Variants in HS6ST3 observed in about 807,000 individuals in gnomAD.
The protein encoded by HS6ST3 is heparan sulfate 6-O-sulfotransferase 3, also known as heparan-sulfate 6-O-sulfotransferase 3.
Under a neutral mutation model 36.7 loss-of-function variants are expected in HS6ST3, and 12 were observed. The ratio of observed to expected loss-of-function variants is 0.33; its 90% CI spans 0.21 to 0.53. HS6ST3 has a LOEUF of 0.53. HS6ST3 is among the 20% of genes least tolerant of loss of function. HS6ST3 has a pLI of 0.95. For synonymous variants in HS6ST3, 240 were observed against 257.5 expected, an observed-to-expected ratio of 0.93 and a Z score of 0.65; for missense variants, 584 against 640.9, an observed-to-expected ratio of 0.91 and a Z score of 0.96.
chr13:96,484,210 T>A (rs930428029), intron 1 of HS6ST3, among the ~76,000 whole-genome samples: 3 of 152,134 alleles, frequency 2.0e-5, no homozygotes, highest in Admixed American at 1.3e-4. Flanking sequence ...AACTTAATGT[T>A]TTGATATATG....
rs35530266 is a variant in HS6ST3, at chr13:96,363,290, AT to A, written c.707+271734del. 3.9e-3 allele frequency among the ~76,000 whole-genome samples: 566 copies of A among 145,548 alleles called. 2 individuals are homozygous for A. The highest frequency in any genetic ancestry group is 7.0e-3 in the African/African-American group (281 of 39,898). ...AAGGGTTTATGGGGTCTTCCTGTAC[AT>A]TTTTTTTTTTTTGCAACATTCTGTG... On this transcript the variant is annotated intron_variant, in intron 1 of 1. Coordinates refer to ENST00000376705, the MANE Select transcript of HS6ST3 (RefSeq NM_153456.4).
chr13:96,824,771 A>G (rs540954281), intron 1 of HS6ST3, among the ~76,000 whole-genome samples: 12 of 152,216 alleles, frequency 7.9e-5, no homozygotes, highest in Non-Finnish European at 1.3e-4. Flanking sequence ...TCCATGCTCC[A>G]TGGAGAGGAT....
At chr13:96,252,698 C>A (rs1347779588) in intron 1 of HS6ST3, among the ~76,000 whole-genome samples, 1 of 152,132 alleles carries the variant, frequency 6.6e-6, no homozygotes, top group African/African-American at 2.4e-5. Flanking sequence ...TAATCCCCAG[C>A]ATTGGAGGTG....
intron 1 of HS6ST3, among the ~76,000 whole-genome samples, chr13:96,620,775 A>G (rs1020705180): frequency 4.7e-5 from 7 of 150,422 alleles, no homozygotes; most frequent in Non-Finnish European, 9.0e-5. Context: ...TGCTTCAGTG[A>G]TCTTTAACCT....
chr13:96,551,033 A>G (rs991341286), intron 1 of HS6ST3, among the ~76,000 whole-genome samples: 2 of 152,194 alleles, frequency 1.3e-5, no homozygotes, highest in East Asian at 1.9e-4. Flanking sequence ...CTCTGTCCCA[A>G]TCTGTCATGT....
At chr13:96,596,090 T>C (rs2056400437) in intron 1 of HS6ST3, among the ~76,000 whole-genome samples, 3 of 152,142 alleles carry the variant, frequency 2.0e-5, no homozygotes, top group African/African-American at 4.8e-5. Context: ...CATCCTTCAC[T>C]CACCTTCCAC....
chr13:96,140,962 G>A (rs149887180), intron 1 of HS6ST3, among the ~76,000 whole-genome samples: 18 of 152,270 alleles, frequency 1.2e-4, no homozygotes, highest in Non-Finnish European at 1.6e-4. Flanking sequence ...AACAGGAGAA[G>A]CAGCTTTTCC....
At chr13:96,208,767 C>T (rs1333133581) in intron 1 of HS6ST3, among the ~76,000 whole-genome samples, 1 of 152,162 alleles carries the variant, frequency 6.6e-6, no homozygotes, top group African/African-American at 2.4e-5. Context: ...ACATAACACA[C>T]TTTGATATCC....
chr13:96,739,636 C>T (rs903486869), intron 1 of HS6ST3, among the ~76,000 whole-genome samples: 6 of 152,042 alleles, frequency 3.9e-5, no homozygotes, highest in African/African-American at 1.4e-4. Flanking sequence ...CATCCAGAAT[C>T]GGACCATTTC....
rs115142544 is a variant in HS6ST3 at position 96,404,190 on chromosome 13, C to T, written c.707+312621C>T. ...ATGTAGAAGACTGGGGAAGTTATCC[C>T]CCAGTTAATTCATTTTAAATCACAT... On this transcript the variant is annotated intron_variant, in intron 1 of 1. Coordinates refer to ENST00000376705, the MANE Select transcript of HS6ST3 (RefSeq NM_153456.4). Among the ~76,000 whole-genome samples, 990 of 152,252 alleles carry T rather than the reference C, an allele frequency of 6.5e-3. 9 individuals are homozygous for T. The highest frequency in any genetic ancestry group is 0.023 in the African/African-American group (944 of 41,534).
chr13:96,605,929 C>T (rs2056437193), intron 1 of HS6ST3, among the ~76,000 whole-genome samples: 2 of 151,134 alleles, frequency 1.3e-5, no homozygotes, highest in Non-Finnish European at 1.5e-5. Flanking sequence ...GGGACAGATA[C>T]TTCTTAAAAG....
intron 1 of HS6ST3, among the ~76,000 whole-genome samples, chr13:96,453,660 A>T (rs999600589): frequency 6.6e-6 from 1 of 152,192 alleles, no homozygotes; most frequent in African/African-American, 2.4e-5. Context: ...TTATTATTGA[A>T]GCTACAAGCC....
At chr13:96,223,788 A>T (rs540527549) in intron 1 of HS6ST3, among the ~76,000 whole-genome samples, 25 of 152,114 alleles carry the variant, frequency 1.6e-4, no homozygotes, top group Non-Finnish European at 3.2e-4. Context: ...TTTGGCTATG[A>T]CTATGTAACT....
rs2056129041 is a variant in HS6ST3 at position 96,529,949 on chromosome 13, A to G, written c.708-302541A>G. Among the ~76,000 whole-genome samples the G allele has an allele frequency of 1.3e-5, 2 of 152,176 alleles. 1 individual carries two copies. The highest frequency in any genetic ancestry group is 4.1e-4 in the South Asian group (2 of 4,830). Reference sequence around the variant, plus strand: ...AAATTTTATTTGTCTCAATACCTCAAGGAATAACATGAATCCAAGAACATG... The same window carrying G: ...AAATTTTATTTGTCTCAATACCTCAGGGAATAACATGAATCCAAGAACATG... On this transcript the variant is annotated intron_variant, in intron 1 of 1. Transcript: ENST00000376705.
intron 1 of HS6ST3, among the ~76,000 whole-genome samples, chr13:96,546,409 G>T (rs2056197892): frequency 6.6e-6 from 1 of 152,130 alleles, no homozygotes; most frequent in Non-Finnish European, 1.5e-5. Flanking sequence ...TTTGGCAAGG[G>T]CAGGGATTGA....
chr13:96,810,455 C>T (rs1039759586), intron 1 of HS6ST3, among the ~76,000 whole-genome samples: 10 of 152,138 alleles, frequency 6.6e-5, no homozygotes, highest in South Asian at 6.2e-4. Flanking sequence ...TGTTGAGAAC[C>T]GCTGACCTTT....
intron 1 of HS6ST3, among the ~76,000 whole-genome samples, chr13:96,807,141 C>G (rs1440589977): frequency 6.6e-6 from 1 of 152,148 alleles, no homozygotes; most frequent in Admixed American, 6.6e-5. Flanking sequence ...AGCTGAAGCC[C>G]TGAAGCAATG....
chr13:96,599,746 C>G (rs142099481), intron 1 of HS6ST3, among the ~76,000 whole-genome samples: 2 of 152,062 alleles, frequency 1.3e-5, no homozygotes, highest in African/African-American at 4.8e-5. Flanking sequence ...TGTGATCTTT[C>G]TGTCCTTTTG....
At chr13:96,333,422 G>C (rs1440139249) in intron 1 of HS6ST3, among the ~76,000 whole-genome samples, 1 of 152,126 alleles carries the variant, frequency 6.6e-6, no homozygotes, top group Non-Finnish European at 1.5e-5. Context: ...TAAGACTTGT[G>C]GTAAAAGTCA....
Sources: allele counts gnomAD v4.1 joint callset (sites outside exome capture counted in the v4.1 genomes callset), GRCh38; gene constraint gnomAD v4.1.1; transcripts MANE v1.5; gene names NCBI Gene and HGNC (gene_info 2026-07-23, HGNC 2026-07-21).